The following NRXN3 variants were observed in gnomAD, a reference collection of about 807,000 sequenced individuals.
NRXN3 encodes neurexin III.
Under a neutral mutation model 137.6 loss-of-function variants are expected in NRXN3, and 32 were observed. The ratio of observed to expected loss-of-function variants is 0.23; its 90% CI spans 0.18 to 0.31. The LOEUF is 0.31. NRXN3 is among the 10% of genes least tolerant of loss of function. NRXN3 has a pLI of 1.00. For synonymous variants in NRXN3, 798 were observed against 784.5 expected (o/e 1.02, Z -0.29); for missense variants, 1,574 against 2,062.5 (o/e 0.76, Z 4.59).
chr14:79,161,374 G>T (rs1424384170), intron 15 of NRXN3, among the ~76,000 whole-genome samples: 6 of 151,900 alleles, frequency 3.9e-5, no homozygotes, highest in African/African-American at 1.4e-4. Flanking sequence ...TAGAATTTCA[G>T]AGAATGTGTC....
chr14:79,425,186 G>A (rs2095637543), intron 15 of NRXN3, among the ~76,000 whole-genome samples: 1 of 152,110 alleles, frequency 6.6e-6, no homozygotes, highest in South Asian at 2.1e-4. Context: ...TCAGTTAATA[G>A]AATATAATGT....
chr14:79,489,814 C>T (rs772105533), intron 16 of NRXN3, among the ~76,000 whole-genome samples: 3 of 151,664 alleles, frequency 2.0e-5, no homozygotes, highest in East Asian at 2.0e-4. Flanking sequence ...CTGAGATGGG[C>T]GGATCACGAG....
chr14:78,997,626 C>G (rs1232293756), intron 15 of NRXN3, among the ~76,000 whole-genome samples: 1 of 152,094 alleles, frequency 6.6e-6, no homozygotes, highest in Non-Finnish European at 1.5e-5. Flanking sequence ...TTTTTCTCCT[C>G]TACTTTCTTT....
chr14:78,399,069 C>A (rs12883984), intron 4 of NRXN3, among the ~76,000 whole-genome samples: 3 of 151,950 alleles, frequency 2.0e-5, no homozygotes, highest in Non-Finnish European at 2.9e-5. Context: ...AGATAGCAGG[C>A]CTTCTATGGG....
At chr14:79,217,670 A>G (rs1194459549) in intron 15 of NRXN3, among the ~76,000 whole-genome samples, 1 of 152,156 alleles carries the variant, frequency 6.6e-6, no homozygotes, top group African/African-American at 2.4e-5. Context: ...GCAGAATATA[A>G]TCATCTACAG....
At chr14:79,209,174 G>A (rs1482677273) in intron 15 of NRXN3, among the ~76,000 whole-genome samples, 11 of 152,042 alleles carry the variant, frequency 7.2e-5, no homozygotes, top group Non-Finnish European at 1.2e-4. Context: ...TCCTGACCTC[G>A]TGATCTACCT....
chr14:79,727,374 G>A (rs2098897174), intron 19 of NRXN3, among the ~76,000 whole-genome samples: 1 of 152,124 alleles, frequency 6.6e-6, no homozygotes, highest in African/African-American at 2.4e-5. Flanking sequence ...CAGGGATACC[G>A]ATGTTAATTT....
At chr14:78,579,750 T>C (rs2096974175) in intron 4 of NRXN3, among the ~76,000 whole-genome samples, 1 of 152,136 alleles carries the variant, frequency 6.6e-6, no homozygotes, top group Non-Finnish European at 1.5e-5. Flanking sequence ...GTTCACCTAA[T>C]AGCTTAGTTT....
At chr14:78,634,352 A>G (rs1196846160) in intron 4 of NRXN3, among the ~76,000 whole-genome samples, 1 of 152,216 alleles carries the variant, frequency 6.6e-6, no homozygotes. Context: ...ATTTCAATTC[A>G]ATTCCACAGG....
At chr14:79,458,987 G>C (rs1394118177) in intron 15 of NRXN3, among the ~76,000 whole-genome samples, 1 of 151,988 alleles carries the variant, frequency 6.6e-6, no homozygotes, top group Non-Finnish European at 1.5e-5. Flanking sequence ...TTTTTGTTTT[G>C]TTTTTAATTT....
intron 15 of NRXN3, among the ~76,000 whole-genome samples, chr14:79,125,580 G>A (rs77940759): frequency 0.018 from 2,665 of 152,184 alleles, 80 homozygotes; most frequent in African/African-American, 0.061. Flanking sequence ...CTTCACCACT[G>A]GATTGTTGCA....
intron 15 of NRXN3, among the ~76,000 whole-genome samples, chr14:79,124,897 A>G (rs925746652): frequency 5.9e-5 from 9 of 152,294 alleles, no homozygotes; most frequent in South Asian, 2.1e-4. Context: ...TTTCTCACAC[A>G]GAGTACATTC....
chr14:79,594,698 A>AAATAT (rs1555545705), intron 16 of NRXN3, among the ~76,000 whole-genome samples: 86 of 151,638 alleles, frequency 5.7e-4, no homozygotes, highest in African/African-American at 2.1e-3. Flanking sequence ...TTCAAAAAAA[A>AAATAT]ATATATATAT....
At chr14:79,262,695 G>A (rs140312889) in intron 15 of NRXN3, among the ~76,000 whole-genome samples, 38 of 152,318 alleles carry the variant, frequency 2.5e-4, no homozygotes, top group African/African-American at 8.7e-4. Flanking sequence ...GGACAAATGT[G>A]TACAAGGAGG....
chr14:78,201,080 T>G (rs1265409078), intron 1 of NRXN3, among the ~76,000 whole-genome samples: 1 of 152,182 alleles, frequency 6.6e-6, no homozygotes, highest in African/African-American at 2.4e-5. Flanking sequence ...GGTTACATCA[T>G]GCTGGAAGCA....
chr14:78,894,954 C>G (rs1365425624), intron 10 of NRXN3, among the ~76,000 whole-genome samples: 1 of 151,358 alleles, frequency 6.6e-6, no homozygotes, highest in Admixed American at 6.6e-5. Flanking sequence ...TTCAGTAAAC[C>G]ATTTTGTAAA....
chr14:78,762,054 G>A (rs2098694081), intron 8 of NRXN3, among the ~76,000 whole-genome samples: 1 of 152,190 alleles, frequency 6.6e-6, no homozygotes, highest in Non-Finnish European at 1.5e-5. Flanking sequence ...GTGAAAGCAA[G>A]TGTTTAAACG....
chr14:78,198,907 C>A (rs1185996811), intron 1 of NRXN3, among the ~76,000 whole-genome samples: 6 of 152,152 alleles, frequency 3.9e-5, no homozygotes, highest in African/African-American at 1.2e-4. Flanking sequence ...TGGTTCATGG[C>A]TGGCAGATTC....
At chr14:79,625,815 G>T (rs887973613) in intron 16 of NRXN3, among the ~76,000 whole-genome samples, 1 of 152,068 alleles carries the variant, frequency 6.6e-6, no homozygotes, top group African/African-American at 2.4e-5. Flanking sequence ...GTCTTACACC[G>T]AAGTGTAGCA....
Sources: gnomAD v4.1 joint callset for allele counts (sites outside exome capture counted in the v4.1 genomes callset) on GRCh38, gnomAD v4.1.1 for gene constraint, MANE v1.5 for transcripts, NCBI Gene and HGNC (gene_info 2026-07-23, HGNC 2026-07-21) for gene names.